GFRA3: variants seen among roughly 807,000 people sequenced by gnomAD.
GFRA3 encodes GDNF family receptor alpha 3, also known as GDNF family receptor alpha-3.
Under a neutral mutation model 40.0 loss-of-function variants are expected in GFRA3, and 24 were observed. That is an observed-to-expected ratio of 0.60 (90% CI 0.43 to 0.84). The LOEUF is 0.84. Ranked by LOEUF, GFRA3 falls within the 40% of genes least tolerant of loss-of-function variation. GFRA3 has a pLI of 0.00. For synonymous variants in GFRA3, 203 were observed against 213.5 expected (o/e 0.95, Z 0.43); for missense variants, 405 against 530.6 (o/e 0.76, Z 2.33).
chr5:138,261,693 C>CAAAAAAAAAAAAAAAAAAAA (rs70979598), intron 2 of GFRA3, among the ~76,000 whole-genome samples: 2 of 46,372 alleles, frequency 4.3e-5, no homozygotes, highest in Non-Finnish European at 3.8e-5. Context: ...GACTCTGTCT[C>CAAAAAAAAAAAAAAAAAAAA]AAAAAAAAAA....
rs1268845425 is a variant in GFRA3, at chr5:138,266,101, T to TTGGTTATTG, written c.92-1562_92-1554dup. On this transcript the variant is annotated intron_variant, in intron 1 of 7. Coordinates refer to ENST00000274721, the MANE Select transcript of GFRA3 (RefSeq NM_001496.4). The stretch of plus-strand genomic sequence containing the variant: ...TGGACACTTGGGTTGCTTCCACCTT[T>TTGGTTATTG]TGGTTATTGTGAATAGCGCTTTGAT... Among the ~76,000 whole-genome samples, 4 of 152,374 alleles carry TTGGTTATTG rather than the reference T, an allele frequency of 2.6e-5. No homozygotes were observed. The East Asian group carries it at 7.7e-4, about 29-fold the overall frequency.
At chr5:138,256,294 T>A (rs1755628071) in intron 4 of GFRA3, among the ~76,000 whole-genome samples, 2 of 149,426 alleles carry the variant, frequency 1.3e-5, no homozygotes, top group South Asian at 4.2e-4. Flanking sequence ...TTTGGGAGGC[T>A]GAGGCGGGCG....
At chr5:138,264,176 A>G (rs1581511399) in intron 2 of GFRA3, 85 bp downstream of exon 2, 2 of 954,476 alleles carry the variant, frequency 2.1e-6, no homozygotes, top group East Asian at 4.8e-5. Flanking sequence ...AGATTCTACC[A>G]TGTGGCCCAT....
intron 1 of GFRA3, among the ~76,000 whole-genome samples, chr5:138,271,906 T>TG (rs59865864): frequency 0.013 from 1,526 of 121,226 alleles, 6 homozygotes; most frequent in South Asian, 0.022. Context: ...TTTTTTTTTT[T>TG]TTTTTTTTGT....
At chr5:138,264,215 A>G in intron 2 of GFRA3, 46 bp downstream of exon 2, 1 of 1,460,300 alleles carries the variant, frequency 6.8e-7, no homozygotes, top group Non-Finnish European at 9.3e-7. Context: ...ACAACCCCCA[A>G]GAGCCATCTT....
At chr5:138,272,361 C>T (rs568907155) in intron 1 of GFRA3, among the ~76,000 whole-genome samples, 2 of 149,852 alleles carry the variant, frequency 1.3e-5, no homozygotes, top group Non-Finnish European at 3.0e-5. Context: ...GATTTTAGGC[C>T]GGGTGCGGTG....
At chr5:138,255,173 T>G (rs1755610158) in intron 4 of GFRA3, among the ~76,000 whole-genome samples, 1 of 152,018 alleles carries the variant, frequency 6.6e-6, no homozygotes, top group African/African-American at 2.4e-5. Flanking sequence ...GGGGTTCTTG[T>G]GAGGTTTAGA....
intron 4 of GFRA3, among the ~76,000 whole-genome samples, chr5:138,255,566 A>C (rs901623309): frequency 6.6e-6 from 1 of 152,188 alleles, no homozygotes; most frequent in African/African-American, 2.4e-5. Flanking sequence ...TAGTAGCAGC[A>C]CATCCTAAGT....
At chr5:138,273,579 G>C (rs1176064984) in intron 1 of GFRA3, among the ~76,000 whole-genome samples, 1 of 152,170 alleles carries the variant, frequency 6.6e-6, no homozygotes, top group Admixed American at 6.5e-5. Flanking sequence ...GTTGTGGACT[G>C]AGGTCTCAGG....
At chr5:138,271,892 G>GTTTTTTT (rs772736464) in intron 1 of GFRA3, among the ~76,000 whole-genome samples, 6 of 59,678 alleles carry the variant, frequency 1.0e-4, no homozygotes, top group African/African-American at 2.9e-4. Context: ...TTTCTTTTCT[G>GTTTTTTT]TTTTTTTTTT....
At chr5:138,267,971 C>T (rs1241962085) in intron 1 of GFRA3, among the ~76,000 whole-genome samples, 4 of 152,092 alleles carry the variant, frequency 2.6e-5, no homozygotes, top group Non-Finnish European at 4.4e-5. Context: ...CATCTCTCAC[C>T]TTATACAAAA....
chr5:138,253,656 G>A (rs1755583290), intron 6 of GFRA3, 110 bp downstream of exon 6: 1 of 1,010,806 alleles, frequency 9.9e-7, no homozygotes, highest in South Asian at 1.5e-5. Context: ...GAACTGCTCT[G>A]TTTGGTGGAG....
At position 138,274,291 on chromosome 5, in the gene GFRA3, C is replaced by T. The variant is rs554018094; in HGVS notation, c.91+43G>A. 52 of 1,321,354 alleles carry T rather than the reference C, an allele frequency of 3.9e-5. No individual in the cohort carries two copies. In the African/African-American group the frequency reaches 5.6e-4, roughly 14 times the overall value. The allele number at this position is 1,321,354 out of a possible 1,614,324, so 81.9% of individuals were successfully genotyped here. A position where few individuals can be genotyped will look rare whatever the true frequency, so the allele number is the denominator to read the frequency against. On this transcript the variant is annotated intron_variant, in intron 1 of 7. Transcript: ENST00000274721. ...CGGGCCTCGCCTACACCTCACCTCC[C>T]CCTCCCACTGTACCCCCGGCCGGTG...
At chr5:138,263,617 G>A (rs1755741016) in intron 2 of GFRA3, among the ~76,000 whole-genome samples, 1 of 152,208 alleles carries the variant, frequency 6.6e-6, no homozygotes, top group African/African-American at 2.4e-5. Flanking sequence ...GCCACGAGAA[G>A]GGAACATCCC....
At chr5:138,271,897 T>TGTGTG (rs1554111187) in intron 1 of GFRA3, among the ~76,000 whole-genome samples, 2 of 105,298 alleles carry the variant, frequency 1.9e-5, no homozygotes, top group African/African-American at 3.5e-5. Flanking sequence ...TTTCTGTTTT[T>TGTGTG]TTTTTTTTTT....
In GFRA3 at chr5:138,253,995, G is replaced by A. The variant is rs569666126; in HGVS notation, c.889+62C>T. 150 of 1,562,066 alleles carry A rather than the reference G, an allele frequency of 9.6e-5. No homozygotes were observed. In the African/African-American group the frequency reaches 1.4e-3, roughly 15 times the overall value. On this transcript the variant is annotated intron_variant, in intron 5 of 7. Coordinates refer to ENST00000274721, the MANE Select transcript of GFRA3 (RefSeq NM_001496.4). ...TGTCAGGATCACATCCTTTATCTCC[G>A]GAGCATTCTTACCCTCAGGCCTAGC...
chr5:138,273,587 A>C (rs1755906525), intron 1 of GFRA3, among the ~76,000 whole-genome samples: 1 of 152,142 alleles, frequency 6.6e-6, no homozygotes, highest in African/African-American at 2.4e-5. Context: ...CTGAGGTCTC[A>C]GGGCAGTGTG....
chr5:138,265,602 A>G (rs1755772261), intron 1 of GFRA3, among the ~76,000 whole-genome samples: 1 of 152,056 alleles, frequency 6.6e-6, no homozygotes, highest in South Asian at 2.1e-4. Flanking sequence ...ACTTTTCTCC[A>G]TGTGTGTCAC....
chr5:138,253,512 C>G, intron 6 of GFRA3, 137 bp from the exon 7 acceptor site: 2 of 701,460 alleles, frequency 2.9e-6, no homozygotes. Flanking sequence ...GTGGGATACT[C>G]TCTCATTCTG....
Sources: allele counts gnomAD v4.1 joint callset (sites outside exome capture counted in the v4.1 genomes callset), GRCh38; gene constraint gnomAD v4.1.1; transcripts MANE v1.5; gene names NCBI Gene and HGNC (gene_info 2026-07-23, HGNC 2026-07-21).